Variants in ALKBH8 observed in about 807,000 individuals in gnomAD.
The protein encoded by ALKBH8 is alkB homolog 8, tRNA methyltransferase, also known as tRNA (carboxymethyluridine(34)-5-O)-methyltransferase ALKBH8.
Under a neutral mutation model 59.8 loss-of-function variants are expected in ALKBH8, and 36 were observed. That is an observed-to-expected ratio of 0.60 (90% CI 0.46 to 0.79). The LOEUF (loss-of-function observed/expected upper bound fraction) is 0.79, where lower values mean the gene tolerates loss of function less well. Ranked by LOEUF, ALKBH8 falls within the 30% of genes least tolerant of loss-of-function variation. The probability of loss-of-function intolerance (pLI) is 0.00; values close to 1 mark genes in which losing one functional copy is unlikely to be tolerated. For synonymous variants in ALKBH8, 276 were observed against 273.6 expected, an observed-to-expected ratio of 1.01 and a Z score of -0.09; for missense variants, 768 against 801.0, an observed-to-expected ratio of 0.96 and a Z score of 0.50.
chr11:107,554,119 A>G (rs1864609635), intron 3 of ALKBH8, 141 bp from the exon 4 acceptor site: 1 of 997,688 alleles, frequency 1.0e-6, no homozygotes, highest in Non-Finnish European at 1.5e-6. Context: ...GGCACCCAAC[A>G]TATTAAAAGT....
chr11:107,531,294 T>C (rs572096276), intron 8 of ALKBH8, among the ~76,000 whole-genome samples: 2 of 152,296 alleles, frequency 1.3e-5, no homozygotes, highest in Admixed American at 1.3e-4. Context: ...CTCAGCAGTA[T>C]TATGAGGGAC....
chr11:107,535,559 T>C (rs1250986644), intron 7 of ALKBH8, among the ~76,000 whole-genome samples: 1 of 152,218 alleles, frequency 6.6e-6, no homozygotes, highest in African/African-American at 2.4e-5. Flanking sequence ...TATTGTCTTT[T>C]AAGAATTGTC....
intron 7 of ALKBH8, among the ~76,000 whole-genome samples, chr11:107,542,269 G>A (rs1864069426): frequency 1.3e-5 from 2 of 151,664 alleles, no homozygotes; most frequent in African/African-American, 4.8e-5. Context: ...AGAATAAGCA[G>A]GATCATAAAA....
chr11:107,539,756 G>A (rs1863963710), intron 7 of ALKBH8, among the ~76,000 whole-genome samples: 1 of 152,114 alleles, frequency 6.6e-6, no homozygotes, highest in Admixed American at 6.5e-5. Context: ...TTGGCTAAAT[G>A]TCTTGAAAGT....
At chr11:107,519,712 G>A (rs984042473) in intron 10 of ALKBH8, among the ~76,000 whole-genome samples, 1 of 152,116 alleles carries the variant, frequency 6.6e-6, no homozygotes, top group African/African-American at 2.4e-5. Flanking sequence ...TGAGCATCAT[G>A]TTGCTACTCA....
rs992604620 is a variant in ALKBH8 at position 107,544,129 on chromosome 11, T to C, written c.771+5624A>G. 3.9e-5 allele frequency among the ~76,000 whole-genome samples: 6 copies of C among 152,362 alleles called. No homozygotes were observed. The South Asian group carries it at 1.0e-3, about 26-fold the overall frequency. On this transcript the variant is annotated intron_variant, in intron 7 of 11. Transcript: ENST00000428149. ...CTATTGATTTTTCTGAATTTTATTCTAGTTCTACAATCCAGATGGAGTGAT... is the reference window on the plus strand; with the variant it reads ...CTATTGATTTTTCTGAATTTTATTCCAGTTCTACAATCCAGATGGAGTGAT...
At chr11:107,548,251 A>G (rs562923565) in intron 7 of ALKBH8, among the ~76,000 whole-genome samples, 5 of 152,194 alleles carry the variant, frequency 3.3e-5, no homozygotes, top group Non-Finnish European at 7.4e-5. Flanking sequence ...CTCTGCCTCC[A>G]TGGGGAAGGT....
At chr11:107,522,978 C>T (rs1477551255) in intron 9 of ALKBH8, among the ~76,000 whole-genome samples, 1 of 151,754 alleles carries the variant, frequency 6.6e-6, no homozygotes, top group African/African-American at 2.4e-5. Context: ...CACACAGAAC[C>T]CACTTCAGGT....
rs1229758582 is a variant in ALKBH8, at chr11:107,504,834, G to A, written c.1819C>T (p.Pro607Ser). Residue 607 changes from proline (P) to serine (S), a missense_variant, in exon 12 of 12, where the codon CCT becomes TCT. Physicochemically the swap from Pro to Ser is moderately conservative, Grantham distance 74. Coordinates refer to ENST00000428149, the MANE Select transcript of ALKBH8 (RefSeq NM_138775.3). ...CCTATGGGACCAAATGGCTCAACAG[G>A]TTTGCCTTTATCAGGATTTCCCTTA... The part of the protein sequence containing the change: ...HLKGNPDKGK[P>S]VEPFGPIGSQ... The A allele has an allele frequency of 6.4e-7, 1 of 1,551,750 alleles. No individual in the cohort carries two copies. The highest frequency in any genetic ancestry group is 1.2e-5 in the South Asian group (1 of 84,058).
rs1862250790 is a variant in ALKBH8 at position 107,503,328 on chromosome 11, T to C, written c.*1330A>G. On this transcript the variant is annotated 3_prime_UTR_variant, in exon 12 of 12. Transcript: ENST00000428149. ...TCATCCTCTCATCTGAGACCCATTATTGATCACTATAGGTTTCTGAAAACT... is the reference window on the plus strand; with the variant it reads ...TCATCCTCTCATCTGAGACCCATTACTGATCACTATAGGTTTCTGAAAACT... 7 of 152,194 alleles carry C rather than the reference T, an allele frequency of 4.6e-5. No individual in the cohort carries two copies. In the South Asian group the frequency reaches 1.4e-3, roughly 31 times the overall value. The allele number at this position is 152,194 out of a possible 1,614,324, so 9.4% of individuals were successfully genotyped here.
chr11:107,538,510 T>C (rs1418901423), intron 7 of ALKBH8, among the ~76,000 whole-genome samples: 1 of 152,214 alleles, frequency 6.6e-6, no homozygotes. Flanking sequence ...TTACCTATTT[T>C]CTGAGATGGC....
intron 7 of ALKBH8, among the ~76,000 whole-genome samples, chr11:107,548,822 GAC>G (rs1864372323): frequency 1.3e-5 from 2 of 151,466 alleles, no homozygotes; most frequent in Non-Finnish European, 2.9e-5. Flanking sequence ...ATGTTTTAAG[GAC>G]TCTTCCAGAT....
At chr11:107,546,814 T>C (rs1170870206) in intron 7 of ALKBH8, among the ~76,000 whole-genome samples, 1 of 152,168 alleles carries the variant, frequency 6.6e-6, no homozygotes, top group Non-Finnish European at 1.5e-5. Flanking sequence ...AACAAGACTA[T>C]TTTTGCTTAA....
chr11:107,522,046 T>C (rs1288470779), intron 10 of ALKBH8, among the ~76,000 whole-genome samples: 1 of 152,212 alleles, frequency 6.6e-6, no homozygotes, highest in Non-Finnish European at 1.5e-5. Flanking sequence ...GTTTTATAAC[T>C]ATAAGATAGT....
intron 11 of ALKBH8, 37 bp downstream of exon 11, chr11:107,510,850 G>C: frequency 6.5e-7 from 1 of 1,544,056 alleles, no homozygotes; most frequent in South Asian, 1.2e-5. Flanking sequence ...TGCTGCTTTA[G>C]CTACAAGTTC....
chr11:107,504,249 A>C lies in ALKBH8; in HGVS notation c.*409T>G. 2.3e-6 allele frequency: 1 copy of C among 443,338 alleles called. No homozygotes were observed. The allele number at this position is 443,338 out of a possible 1,614,324, so 27.5% of individuals were successfully genotyped here. A position where few individuals can be genotyped will look rare whatever the true frequency, so the allele number is the denominator to read the frequency against. ...TTACAGAGCTAAAAATCATAGGTAA[A>C]ACTTCAGACAATTTTCTATTGACCA... On this transcript the variant is annotated 3_prime_UTR_variant, in exon 12 of 12. Coordinates refer to ENST00000428149, the MANE Select transcript of ALKBH8 (RefSeq NM_138775.3).
chr11:107,515,727 TA>T (rs1010210565), intron 10 of ALKBH8, among the ~76,000 whole-genome samples: 1 of 151,940 alleles, frequency 6.6e-6, no homozygotes, highest in Non-Finnish European at 1.5e-5. Context: ...CAAGTAAACA[TA>T]AAAAAAATTC....
chr11:107,517,799 C>T (rs1267578399), intron 10 of ALKBH8, among the ~76,000 whole-genome samples: 2 of 152,098 alleles, frequency 1.3e-5, no homozygotes, highest in Non-Finnish European at 2.9e-5. Context: ...TCAAAAGATA[C>T]AAAATTTTAG....
intron 7 of ALKBH8, 120 bp downstream of exon 7, chr11:107,549,633 G>C: frequency 1.4e-6 from 1 of 689,752 alleles, no homozygotes; most frequent in Non-Finnish European, 2.2e-6. Context: ...AGTGCTAATG[G>C]TGCCCTTATT....
Sources: allele counts gnomAD v4.1 joint callset (sites outside exome capture counted in the v4.1 genomes callset), GRCh38; gene constraint gnomAD v4.1.1; transcripts MANE v1.5; gene names NCBI Gene and HGNC (gene_info 2026-07-23, HGNC 2026-07-21).